Variants in ABCB9 observed in about 807,000 individuals in gnomAD.
The protein encoded by ABCB9 is ABC-type oligopeptide transporter ABCB9.
Under a neutral mutation model 62.0 loss-of-function variants are expected in ABCB9, and 36 were observed. The ratio of observed to expected loss-of-function variants is 0.58; its 90% CI spans 0.45 to 0.77. The LOEUF (loss-of-function observed/expected upper bound fraction) is 0.77, where lower values mean the gene tolerates loss of function less well. ABCB9 is among the 30% of genes least tolerant of loss of function. The pLI, the probability that ABCB9 is intolerant of heterozygous loss-of-function variation, is 0.00. For synonymous variants in ABCB9, 435 were observed against 461.4 expected (o/e 0.94, Z 0.73); for missense variants, 943 against 1,054.7 (o/e 0.89, Z 1.47).
chr12:122,960,474 C>A (rs1043119877), intron 1 of ABCB9, among the ~76,000 whole-genome samples, 152 bp from the exon 2 acceptor site: 3 of 152,226 alleles, frequency 2.0e-5, no homozygotes, highest in Non-Finnish European at 2.9e-5. Flanking sequence ...AGATTCCACT[C>A]ATTCAAGGGA....
chr12:122,944,288 C>A lies in ABCB9; in HGVS notation c.1380+103G>T, dbSNP rs1028507835. On this transcript the variant is annotated intron_variant, in intron 7 of 11. Transcript: ENST00000280560. The surrounding 1 kb of genome is among the most constrained non-coding windows in gnomAD (Gnocchi z 4.9). ...CCCCTACTTACCTTAGAGAGAAATACCACATTGTCAGAGTCCCTGGAGCCC... is the reference window on the plus strand; with the variant it reads ...CCCCTACTTACCTTAGAGAGAAATAACACATTGTCAGAGTCCCTGGAGCCC... The A allele has an allele frequency of 3.4e-6, 5 of 1,483,602 alleles. No homozygotes were observed. The highest frequency in any genetic ancestry group is 4.5e-6 in the Non-Finnish European group (5 of 1,102,660). 91.9% of individuals were successfully genotyped at this position (1,483,602 alleles called of 1,614,324 possible).
At position 122,941,015 on chromosome 12, in the gene ABCB9, GT is replaced by G; in HGVS notation, c.1381-21del. 6.4e-7 allele frequency: 1 copy of G among 1,566,798 alleles called. No homozygotes were observed. Among genetic ancestry groups the G allele is most frequent in the Non-Finnish European group, 8.7e-7 (1 of 1,148,098 alleles). ...CACGGACTGGGGAGAGGAGACACGC[GT>G]TCCTGTCCCACCGATACCCGACTCC... On this transcript the variant is annotated intron_variant, in intron 7 of 11. Transcript: ENST00000280560.
chr12:122,957,128 G>A (rs11060999), intron 2 of ABCB9, among the ~76,000 whole-genome samples: 8,452 of 151,572 alleles, frequency 0.056, 552 homozygotes, highest in African/African-American at 0.16. Flanking sequence ...TATAACTCAA[G>A]CTCCTGAGCT....
chr12:122,962,330 G>C (rs2036946453), intron 1 of ABCB9, among the ~76,000 whole-genome samples: 1 of 152,186 alleles, frequency 6.6e-6, no homozygotes, highest in African/African-American at 2.4e-5. Context: ...TGGGCCTTTT[G>C]TTGTCATATC....
Position 122,959,976 on chromosome 12 carries a change from G to A in ABCB9, c.260C>T (p.Thr87Ile), listed in dbSNP as rs951882390. 1.2e-5 allele frequency: 20 copies of A among 1,613,114 alleles called. No individual in the cohort carries two copies. Among genetic ancestry groups the A allele is most frequent in the South Asian group, 4.4e-5 (4 of 91,092 alleles). The change falls in exon 2 of 12, where the codon ACC becomes ATC. Residue 87 changes from threonine to isoleucine, a missense_variant. Transcript: ENST00000280560. This position sits in a 1 kb window ranked among gnomAD's most constrained non-coding sequence, Gnocchi z 5.4. Reference sequence around the variant, plus strand: ...GATGCCCACGAAGAGGCACACGAGGGTGATGACCAGCCACGAGGCCCGCAG... The same window carrying A: ...GATGCCCACGAAGAGGCACACGAGGATGATGACCAGCCACGAGGCCCGCAG... ...RRLRASWLVI[T>I]LVCLFVGIYA...
Position 122,944,320 on chromosome 12 carries a change from C to T in ABCB9, c.1380+71G>A. On this transcript the variant is annotated intron_variant, in intron 7 of 11. Coordinates refer to ENST00000280560, the MANE Select transcript of ABCB9 (RefSeq NM_019625.4). The surrounding 1 kb of genome is among the most constrained non-coding windows in gnomAD (Gnocchi z 4.9). ...GTCAGAGTCCCTGGAGCCCCGCCCC[C>T]ACCCTGTTAAGATCCCTCTTCCCCA... 6.8e-7 allele frequency: 1 copy of T among 1,475,710 alleles called. No individual in the cohort carries two copies. 91.4% of individuals were successfully genotyped at this position (1,475,710 alleles called of 1,614,324 possible).
At chr12:122,941,461 A>G (rs1425596102) in intron 7 of ABCB9, among the ~76,000 whole-genome samples, 3 of 151,926 alleles carry the variant, frequency 2.0e-5, no homozygotes, top group Admixed American at 1.3e-4. Context: ...GGTACTCGCC[A>G]CCACGCCCAG....
Position 122,929,344 on chromosome 12 carries a change from C to G in ABCB9, c.*567G>C, listed in dbSNP as rs2035016657. 1 of 985,896 alleles carries G rather than the reference C, an allele frequency of 1.0e-6. No homozygotes were observed. The allele number at this position is 985,896 out of a possible 1,614,324, so 61.1% of individuals were successfully genotyped here. On this transcript the variant is annotated 3_prime_UTR_variant, in exon 12 of 12. Transcript: ENST00000280560. This position sits in a 1 kb window ranked among gnomAD's most constrained non-coding sequence, Gnocchi z 6.0. ...GCGGGCGATGGCAGACAGATGCCCTCCACGCTCCCTACCCGCCCTGGCCAG... is the reference window on the plus strand; with the variant it reads ...GCGGGCGATGGCAGACAGATGCCCTGCACGCTCCCTACCCGCCCTGGCCAG...
exon 1 of ABCB9, chr12:122,974,973 C>T (rs996102578): frequency 1.3e-4 from 41 of 309,066 alleles, no homozygotes; most frequent in African/African-American, 6.2e-4. Flanking sequence ...CTCTCCCCGT[C>T]CTGTGAAGGC....
At chr12:122,942,628 A>G (rs2035827053) in intron 7 of ABCB9, among the ~76,000 whole-genome samples, 1 of 151,542 alleles carries the variant, frequency 6.6e-6, no homozygotes, top group African/African-American at 2.4e-5. Flanking sequence ...CAAAAAAAAA[A>G]AAAAAAAAAA....
chr12:122,963,652 CT>C (rs2037027187), intron 1 of ABCB9, among the ~76,000 whole-genome samples: 1 of 152,092 alleles, frequency 6.6e-6, no homozygotes, highest in Non-Finnish European at 1.5e-5. Flanking sequence ...AAAACAGCCT[CT>C]CCAGGAGGTA....
rs1354309313 is a variant in ABCB9, at chr12:122,946,165, TCTC to T, written c.1108_1110del (p.Glu370del). ...CGGACAGTCTTCATGGCACTGATGG[TCTC>T]CTCCGCCGTGTTGCTCGCTCTGGCC... On this transcript the variant is annotated inframe_deletion, in exon 6 of 12. Transcript: ENST00000280560. 6.2e-7 allele frequency: 1 copy of T among 1,614,112 alleles called. No individual in the cohort carries two copies.
At chr12:122,958,701 G>T (rs2036739114) in intron 2 of ABCB9, among the ~76,000 whole-genome samples, 1 of 151,856 alleles carries the variant, frequency 6.6e-6, no homozygotes, top group Admixed American at 6.6e-5. Context: ...TAATTAGCTG[G>T]GTGTGGTGCA....
intron 6 of ABCB9, among the ~76,000 whole-genome samples, chr12:122,945,186 G>C (rs2035968389): frequency 6.6e-6 from 1 of 152,106 alleles, no homozygotes; most frequent in Non-Finnish European, 1.5e-5. Context: ...TCTCCTCCTT[G>C]GCTGATACTT....
intron 7 of ABCB9, among the ~76,000 whole-genome samples, chr12:122,941,458 G>A (rs527926495): frequency 2.2e-4 from 33 of 151,712 alleles, no homozygotes; most frequent in African/African-American, 7.3e-4. Context: ...ACAGGTACTC[G>A]CCACCACGCC....
intron 3 of ABCB9, 42 bp from the exon 4 acceptor site, chr12:122,949,960 G>A (rs746247855): frequency 6.2e-7 from 1 of 1,611,368 alleles, no homozygotes; most frequent in South Asian, 1.1e-5. Flanking sequence ...TGTCCTTCCA[G>A]ACCAGTGACC....
intron 11 of ABCB9, chr12:122,931,973 G>T: frequency 2.7e-6 from 2 of 752,508 alleles, no homozygotes; most frequent in Non-Finnish European, 4.2e-6. Flanking sequence ...GCCTTCTCTT[G>T]CCCCACACCA....
At chr12:122,935,532 A>C in intron 9 of ABCB9, 101 bp from the exon 10 acceptor site, 50 of 1,422,434 alleles carry the variant, frequency 3.5e-5, no homozygotes, top group Non-Finnish European at 4.3e-5. Flanking sequence ...CAGCAGTCTC[A>C]GGCCTGAAAC....
intron 4 of ABCB9, 34 bp downstream of exon 4, chr12:122,949,754 C>T (rs749287312): frequency 1.4e-5 from 22 of 1,611,150 alleles, no homozygotes; most frequent in Non-Finnish European, 1.9e-5. Context: ...TGGGGCCCAG[C>T]CCCCAGGACA....
Sources: allele counts gnomAD v4.1 joint callset (sites outside exome capture counted in the v4.1 genomes callset), GRCh38; gene constraint gnomAD v4.1.1; non-coding constraint Gnocchi (gnomAD v3.1); transcripts MANE v1.5; gene names NCBI Gene and HGNC (gene_info 2026-07-23, HGNC 2026-07-21).